Variants in RIT2 observed in about 807,000 individuals in gnomAD.
RIT2 encodes the protein Ras like without CAAX 2.
RIT2 carries 24 observed loss-of-function variants against 23.7 expected under a neutral mutation model. The ratio of observed to expected loss-of-function variants is 1.01; its 90% CI spans 0.73 to 1.43. RIT2 has a LOEUF of 1.43. Ranked by LOEUF, RIT2 falls within the 40% of genes most tolerant of loss-of-function variation. The pLI is 0.00. For missense variants in RIT2, 236 were observed against 266.9 expected, an observed-to-expected ratio of 0.88 and a Z score of 0.81; for synonymous variants, 107 against 91.1, an observed-to-expected ratio of 1.17 and a Z score of -0.99.
At chr18:43,102,103 T>A (rs906992606) in intron 1 of RIT2, among the ~76,000 whole-genome samples, 2 of 152,206 alleles carry the variant, frequency 1.3e-5, no homozygotes, top group African/African-American at 4.8e-5. Context: ...GAAGTGATGC[T>A]TTGATTTGAA....
At chr18:42,836,118 T>G (rs1384053286) in intron 4 of RIT2, among the ~76,000 whole-genome samples, 1 of 152,098 alleles carries the variant, frequency 6.6e-6, no homozygotes, top group East Asian at 1.9e-4. Flanking sequence ...ACAGTAATAA[T>G]CCATAAGGGC....
chr18:42,838,508 C>T (rs1906678111), intron 4 of RIT2, among the ~76,000 whole-genome samples: 1 of 151,906 alleles, frequency 6.6e-6, no homozygotes, highest in African/African-American at 2.4e-5. Context: ...AATACTACCT[C>T]TAATCTTCCA....
intron 2 of RIT2, among the ~76,000 whole-genome samples, chr18:42,998,122 CT>C (rs1281948917): frequency 3.9e-5 from 6 of 152,052 alleles, no homozygotes; most frequent in African/African-American, 1.4e-4. Flanking sequence ...TTTGTGTTCT[CT>C]TAATAAACCA....
rs183270742 is a variant in RIT2, at chr18:42,751,604, C to G, written c.427-7884G>C. Reference sequence around the variant, plus strand: ...TAAGTGAATATTTTATTTTTTGTAGCAGGCCGAAGTATACTTAAATTGTGC... The same window carrying G: ...TAAGTGAATATTTTATTTTTTGTAGGAGGCCGAAGTATACTTAAATTGTGC... On this transcript the variant is annotated intron_variant, in intron 4 of 4. Transcript: ENST00000326695. Among the ~76,000 whole-genome samples, 30 of 151,916 alleles carry G rather than the reference C, an allele frequency of 2.0e-4. No individual in the cohort carries two copies. The East Asian group carries it at 5.2e-3, about 27-fold the overall frequency.
chr18:42,754,227 G>C (rs1170635559), intron 4 of RIT2, among the ~76,000 whole-genome samples: 1 of 152,184 alleles, frequency 6.6e-6, no homozygotes, highest in Admixed American at 6.5e-5. Flanking sequence ...AGAAGGGCAA[G>C]AGTCCTCCTT....
At chr18:43,000,842 G>C (rs1381472284) in intron 2 of RIT2, among the ~76,000 whole-genome samples, 1 of 151,938 alleles carries the variant, frequency 6.6e-6, no homozygotes. Context: ...AAATTACCCA[G>C]TCTCAGGTAT....
At chr18:42,837,697 T>A (rs567427858) in intron 4 of RIT2, among the ~76,000 whole-genome samples, 1 of 152,240 alleles carries the variant, frequency 6.6e-6, no homozygotes, top group East Asian at 1.9e-4. Flanking sequence ...AGTATTCGGA[T>A]TTGGGGTAAA....
chr18:42,949,666 G>C (rs1359627970), intron 3 of RIT2, among the ~76,000 whole-genome samples: 1 of 152,058 alleles, frequency 6.6e-6, no homozygotes, highest in Admixed American at 6.6e-5. Context: ...TTTCGTATTA[G>C]TTACTCCACT....
At chr18:42,823,207 C>T (rs1052356554) in intron 4 of RIT2, among the ~76,000 whole-genome samples, 2 of 152,114 alleles carry the variant, frequency 1.3e-5, no homozygotes, top group African/African-American at 4.8e-5. Context: ...AGTGCTCCCT[C>T]AGCAGTGGTA....
intron 1 of RIT2, among the ~76,000 whole-genome samples, chr18:43,045,657 T>A (rs1010068616): frequency 6.6e-6 from 1 of 152,194 alleles, no homozygotes; most frequent in Non-Finnish European, 1.5e-5. Flanking sequence ...CATAGAATAG[T>A]CAACTACCTA....
At chr18:42,976,104 G>A (rs529805263) in intron 2 of RIT2, among the ~76,000 whole-genome samples, 8 of 151,906 alleles carry the variant, frequency 5.3e-5, no homozygotes, top group Non-Finnish European at 1.0e-4. Flanking sequence ...TCAATTGTTG[G>A]TTTCTAGTTT....
intron 1 of RIT2, among the ~76,000 whole-genome samples, chr18:43,109,490 T>C (rs1291896075): frequency 6.6e-6 from 1 of 152,200 alleles, no homozygotes; most frequent in Non-Finnish European, 1.5e-5. Flanking sequence ...ACACTGTTTA[T>C]GTTCAATTCT....
At chr18:42,933,571 C>G (rs1019514505) in intron 3 of RIT2, among the ~76,000 whole-genome samples, 1 of 152,078 alleles carries the variant, frequency 6.6e-6, no homozygotes, top group African/African-American at 2.4e-5. Flanking sequence ...TGAGTGAGTT[C>G]TCATGAAATG....
chr18:42,978,322 T>G (rs1195371904), intron 2 of RIT2, among the ~76,000 whole-genome samples: 5 of 151,914 alleles, frequency 3.3e-5, no homozygotes, highest in Admixed American at 1.3e-4. Context: ...TTTTCTCTCT[T>G]TTAAAAAGTG....
At position 42,977,248 on chromosome 18, in the gene RIT2, TTCTGTAAAACACAGTTTTACACATTA is replaced by T. The variant is rs565357474; in HGVS notation, c.161-3127_161-3102del. 2.4e-3 allele frequency among the ~76,000 whole-genome samples: 360 copies of T among 152,174 alleles called. 2 individuals carry two copies. Among genetic ancestry groups the T allele is most frequent in the African/African-American group, 8.4e-3 (351 of 41,556 alleles). On this transcript the variant is annotated intron_variant, in intron 2 of 4. Coordinates refer to ENST00000326695, the MANE Select transcript of RIT2 (RefSeq NM_002930.4). ...ATCTCAGCCTGTTAAATATCTATACTTCTGTAAAACACAGTTTTACACATTATCTGTAAAACACAGCTGGAGCTCCT... is the reference window on the plus strand; with the variant it reads ...ATCTCAGCCTGTTAAATATCTATACTTCTGTAAAACACAGCTGGAGCTCCT...
intron 3 of RIT2, among the ~76,000 whole-genome samples, chr18:42,959,340 T>G (rs1910046057): frequency 6.6e-6 from 1 of 152,196 alleles, no homozygotes; most frequent in Non-Finnish European, 1.5e-5. Context: ...TTTATAAGAC[T>G]TCTTTAAAAA....
chr18:43,025,750 A>T (rs1229120287), intron 2 of RIT2, among the ~76,000 whole-genome samples: 1 of 152,118 alleles, frequency 6.6e-6, no homozygotes, highest in Non-Finnish European at 1.5e-5. Flanking sequence ...TTCAAATACC[A>T]TATGCATTCA....
intron 4 of RIT2, among the ~76,000 whole-genome samples, chr18:42,851,781 C>T (rs902268865): frequency 5.3e-5 from 8 of 152,028 alleles, no homozygotes; most frequent in South Asian, 2.1e-4. Context: ...ACCCAGGAGG[C>T]GGGGGTTGTG....
intron 4 of RIT2, among the ~76,000 whole-genome samples, chr18:42,895,847 A>C (rs1284350221): frequency 6.6e-6 from 1 of 152,244 alleles, no homozygotes; most frequent in Admixed American, 6.5e-5. Flanking sequence ...TTAGTAAATC[A>C]TGAATAGGCA....
Sources: gnomAD v4.1 joint callset for allele counts (sites outside exome capture counted in the v4.1 genomes callset) on GRCh38, gnomAD v4.1.1 for gene constraint, MANE v1.5 for transcripts, NCBI Gene and HGNC (gene_info 2026-07-23, HGNC 2026-07-21) for gene names.